TMTC2: variants seen among roughly 807,000 people sequenced by gnomAD.
TMTC2 encodes the protein protein O-mannosyl-transferase TMTC2.
TMTC2 carries 43 observed loss-of-function variants against 82.4 expected under a neutral mutation model. That is an observed-to-expected ratio of 0.52 (90% CI 0.41 to 0.67). The LOEUF is 0.67. Ranked by LOEUF, TMTC2 falls within the 30% of genes least tolerant of loss-of-function variation. The pLI, the probability that TMTC2 is intolerant of heterozygous loss-of-function variation, is 0.00. For synonymous variants in TMTC2, 408 were observed against 381.9 expected (o/e 1.07, Z -0.80); for missense variants, 919 against 1,012.4 (o/e 0.91, Z 1.25).
At chr12:82,734,584 A>G (rs996215776) in intron 1 of TMTC2, among the ~76,000 whole-genome samples, 1 of 152,168 alleles carries the variant, frequency 6.6e-6, no homozygotes, top group Non-Finnish European at 1.5e-5. Flanking sequence ...CCCTTTTGCC[A>G]TAATCATAGG....
At chr12:82,986,139 C>G (rs754991490) in intron 8 of TMTC2, 93 bp downstream of exon 8, 1 of 1,553,456 alleles carries the variant, frequency 6.4e-7, no homozygotes, top group South Asian at 1.1e-5. Flanking sequence ...AGCCAGTTAT[C>G]TAAGCTATTA....
intron 2 of TMTC2, among the ~76,000 whole-genome samples, chr12:82,862,681 T>A (rs1402191103): frequency 6.6e-6 from 1 of 152,192 alleles, no homozygotes; most frequent in African/African-American, 2.4e-5. Context: ...TCCAGTCATC[T>A]CTTTCTAGAA....
At chr12:82,859,643 T>C (rs956902645) in intron 2 of TMTC2, among the ~76,000 whole-genome samples, 7 of 152,218 alleles carry the variant, frequency 4.6e-5, no homozygotes, top group Non-Finnish European at 1.0e-4. Context: ...GTCAACCTTA[T>C]TCATGTAACA....
At chr12:83,003,988 T>C (rs1880037152) in intron 8 of TMTC2, among the ~76,000 whole-genome samples, 2 of 152,148 alleles carry the variant, frequency 1.3e-5, no homozygotes, top group Admixed American at 1.3e-4. Flanking sequence ...CCTCTCTCCT[T>C]CTCTCTCAGG....
chr12:82,876,217 G>A (rs958026999), intron 2 of TMTC2, among the ~76,000 whole-genome samples: 3 of 149,266 alleles, frequency 2.0e-5, no homozygotes, highest in South Asian at 2.1e-4. Context: ...CCTTCCAGGT[G>A]GATATGAAGT....
chr12:82,843,311 T>C (rs1053270830), intron 1 of TMTC2, among the ~76,000 whole-genome samples: 1 of 151,924 alleles, frequency 6.6e-6, no homozygotes, highest in Non-Finnish European at 1.5e-5. Context: ...GGTCTCGAAC[T>C]CCTGACTTCA....
chr12:82,701,236 C>T (rs1873061840), intron 1 of TMTC2, among the ~76,000 whole-genome samples: 2 of 152,076 alleles, frequency 1.3e-5, no homozygotes, highest in Admixed American at 1.3e-4. Flanking sequence ...AAAATACAGA[C>T]TTAGTTTACA....
At chr12:82,894,451 G>A (rs1873553207) in intron 2 of TMTC2, among the ~76,000 whole-genome samples, 1 of 152,154 alleles carries the variant, frequency 6.6e-6, no homozygotes, top group Admixed American at 6.5e-5. Context: ...TATGCTTAAG[G>A]TATATTGCTC....
chr12:82,873,213 T>TGTGTGTGTGTGTGTGTGTGTG (rs142938543), intron 2 of TMTC2, among the ~76,000 whole-genome samples: 1 of 143,534 alleles, frequency 7.0e-6, no homozygotes, highest in African/African-American at 2.6e-5. Context: ...TTCAAAGATG[T>TGTGTGTGTGTGTGTGTGTGTG]TGTGTGTGTG....
intron 8 of TMTC2, among the ~76,000 whole-genome samples, chr12:83,030,210 A>G (rs1213043131): frequency 6.6e-6 from 1 of 152,184 alleles, no homozygotes; most frequent in Non-Finnish European, 1.5e-5. Flanking sequence ...GAATGAGGTT[A>G]CATAACAATT....
intron 1 of TMTC2, among the ~76,000 whole-genome samples, chr12:82,843,902 C>T (rs1207926144): frequency 6.6e-6 from 1 of 152,116 alleles, no homozygotes; most frequent in East Asian, 1.9e-4. Context: ...GAGCCATGAT[C>T]ACACCACTGC....
At chr12:82,888,199 T>C (rs1231256743) in intron 2 of TMTC2, among the ~76,000 whole-genome samples, 1 of 152,228 alleles carries the variant, frequency 6.6e-6, no homozygotes, top group Non-Finnish European at 1.5e-5. Flanking sequence ...TCCATACTGG[T>C]GTGAAATGTA....
At chr12:82,693,927 C>A (rs1274205483) in intron 1 of TMTC2, among the ~76,000 whole-genome samples, 3 of 142,978 alleles carry the variant, frequency 2.1e-5, no homozygotes, top group Non-Finnish European at 4.5e-5. Context: ...AAGATCGCGC[C>A]ACCATACTCC....
chr12:82,913,266 G>A (rs924915870), intron 3 of TMTC2, among the ~76,000 whole-genome samples: 2 of 152,088 alleles, frequency 1.3e-5, no homozygotes, highest in Non-Finnish European at 2.9e-5. Context: ...CCATGCTTCT[G>A]TTCTCTGTGG....
intron 9 of TMTC2, among the ~76,000 whole-genome samples, chr12:83,050,365 G>A (rs1039713766): frequency 3.9e-5 from 6 of 152,104 alleles, no homozygotes; most frequent in African/African-American, 1.4e-4. Context: ...AGAGTTCTGT[G>A]ACTCTGTCTG....
intron 11 of TMTC2, among the ~76,000 whole-genome samples, chr12:83,111,883 A>G (rs1285981970): frequency 6.6e-6 from 1 of 151,960 alleles, no homozygotes; most frequent in Non-Finnish European, 1.5e-5. Context: ...CACCATTTTA[A>G]CTATTTACAG....
At chr12:82,969,439 G>A (rs185060682) in intron 7 of TMTC2, among the ~76,000 whole-genome samples, 504 of 152,066 alleles carry the variant, frequency 3.3e-3, no homozygotes, top group Non-Finnish European at 5.8e-3. Flanking sequence ...TTAGAGGTTA[G>A]GAGAAATAAA....
intron 1 of TMTC2, among the ~76,000 whole-genome samples, chr12:82,847,200 T>C (rs1223612767): frequency 1.3e-5 from 2 of 152,218 alleles, no homozygotes; most frequent in Admixed American, 1.3e-4. Context: ...GAAGGGATTA[T>C]AGGTTAAGTG....
At chr12:83,107,712 C>T (rs76741257) in intron 11 of TMTC2, among the ~76,000 whole-genome samples, 3,177 of 152,190 alleles carry the variant, frequency 0.021, 101 homozygotes, top group African/African-American at 0.073. Context: ...ACTCCAAAAC[C>T]AATCATTGTT....
Sources: gnomAD v4.1 joint callset for allele counts (sites outside exome capture counted in the v4.1 genomes callset) on GRCh38, gnomAD v4.1.1 for gene constraint, MANE v1.5 for transcripts, NCBI Gene and HGNC (gene_info 2026-07-23, HGNC 2026-07-21) for gene names.